NRXN3: variants seen among roughly 807,000 people sequenced by gnomAD.
NRXN3 encodes neurexin 3.
In NRXN3, 32 loss-of-function variants were observed where a neutral mutation model predicts 137.6. That is an observed-to-expected ratio of 0.23 (90% confidence interval 0.18 to 0.31). The LOEUF (loss-of-function observed/expected upper bound fraction) is 0.31, where lower values mean the gene tolerates loss of function less well. Ranked by LOEUF, NRXN3 falls within the 10% of genes least tolerant of loss-of-function variation. NRXN3 has a pLI of 1.00. For synonymous variants in NRXN3, 798 were observed against 784.5 expected, an observed-to-expected ratio of 1.02 and a Z score of -0.29; for missense variants, 1,574 against 2,062.5, an observed-to-expected ratio of 0.76 and a Z score of 4.59.
intron 15 of NRXN3, among the ~76,000 whole-genome samples, chr14:79,308,220 T>A (rs946655618): frequency 1.3e-5 from 2 of 152,162 alleles, no homozygotes; most frequent in African/African-American, 4.8e-5. Flanking sequence ...TGAAGTAATT[T>A]GGCTCATAAT....
intron 16 of NRXN3, among the ~76,000 whole-genome samples, chr14:79,504,936 T>C (rs549951306): frequency 1.3e-5 from 2 of 152,018 alleles, no homozygotes; most frequent in Non-Finnish European, 2.9e-5. Flanking sequence ...TGAAAATGGC[T>C]GCGCTCAGTG....
chr14:78,380,664 C>G (rs758011777), intron 4 of NRXN3, among the ~76,000 whole-genome samples: 1 of 152,162 alleles, frequency 6.6e-6, no homozygotes. Context: ...ATTTCAGACT[C>G]CTGGTCTTTA....
chr14:78,568,318 CAGA>C (rs1396174396), intron 4 of NRXN3, among the ~76,000 whole-genome samples: 5 of 152,168 alleles, frequency 3.3e-5, no homozygotes, highest in African/African-American at 1.2e-4. Context: ...CATGGAAAGA[CAGA>C]AGAAGAACTA....
At chr14:79,665,903 T>C (rs1197449080) in intron 17 of NRXN3, among the ~76,000 whole-genome samples, 2 of 152,134 alleles carry the variant, frequency 1.3e-5, no homozygotes, top group East Asian at 1.9e-4. Context: ...TTATTATCAT[T>C]GGAAACTGTT....
At chr14:78,704,768 TG>T (rs1181424196) in intron 6 of NRXN3, among the ~76,000 whole-genome samples, 1 of 152,104 alleles carries the variant, frequency 6.6e-6, no homozygotes, top group Non-Finnish European at 1.5e-5. Context: ...GTCTGTAAAA[TG>T]GGGCTAATGC....
At chr14:78,636,072 T>C (rs1008291920) in intron 4 of NRXN3, among the ~76,000 whole-genome samples, 1 of 152,184 alleles carries the variant, frequency 6.6e-6, no homozygotes, top group Non-Finnish European at 1.5e-5. Context: ...TATTTCAATA[T>C]TTGTTGAGCG....
Position 78,276,088 on chromosome 14 carries a change from G to A in NRXN3, c.710-2557G>A, listed in dbSNP as rs116759926. Among the ~76,000 whole-genome samples the A allele has an allele frequency of 3.6e-3, 542 of 152,274 alleles. 1 individual carries two copies. The highest frequency in any genetic ancestry group is 0.012 in the African/African-American group (501 of 41,554). On this transcript the variant is annotated intron_variant, in intron 2 of 20. Transcript: ENST00000335750. ...CAGGTCAGTGCCACAGTTAGGAACT[G>A]AGCTTGGACCTTGATCCCCAGCCAG...
intron 15 of NRXN3, among the ~76,000 whole-genome samples, chr14:79,292,121 T>C (rs1338047225): frequency 1.3e-5 from 2 of 152,190 alleles, no homozygotes; most frequent in Non-Finnish European, 2.9e-5. Flanking sequence ...AGGTAATCTG[T>C]GCAAATGTAG....
intron 15 of NRXN3, among the ~76,000 whole-genome samples, chr14:79,087,951 T>TC (rs2080839347): frequency 6.6e-6 from 1 of 150,760 alleles, no homozygotes; most frequent in African/African-American, 2.5e-5. Context: ...ACTAGTTGTT[T>TC]CTGGTTAAAG....
At chr14:79,370,239 T>A (rs999589506) in intron 15 of NRXN3, among the ~76,000 whole-genome samples, 2 of 152,166 alleles carry the variant, frequency 1.3e-5, no homozygotes, top group Non-Finnish European at 2.9e-5. Flanking sequence ...AAGAATGAGA[T>A]AACTATTATA....
At chr14:79,544,520 A>G (rs886563447) in intron 16 of NRXN3, among the ~76,000 whole-genome samples, 1 of 152,156 alleles carries the variant, frequency 6.6e-6, no homozygotes, top group Non-Finnish European at 1.5e-5. Context: ...TTTCTGTTGG[A>G]TGAGATTGGA....
intron 10 of NRXN3, among the ~76,000 whole-genome samples, chr14:78,827,785 C>G (rs1041849991): frequency 6.6e-6 from 1 of 152,234 alleles, no homozygotes; most frequent in African/African-American, 2.4e-5. Context: ...TCACTCAAAA[C>G]AGTGTCCGAG....
chr14:78,933,454 T>C (rs1367083754), intron 10 of NRXN3, among the ~76,000 whole-genome samples: 1 of 152,252 alleles, frequency 6.6e-6, no homozygotes, highest in African/African-American at 2.4e-5. Flanking sequence ...ATTTGACAGA[T>C]ATTTTTCTGG....
chr14:78,363,899 T>A (rs1699043939), intron 4 of NRXN3, among the ~76,000 whole-genome samples: 1 of 152,256 alleles, frequency 6.6e-6, no homozygotes, highest in African/African-American at 2.4e-5. Context: ...CTCAAATTCT[T>A]GTGAAGATTT....
chr14:79,244,145 G>C (rs2074796416), intron 15 of NRXN3, among the ~76,000 whole-genome samples: 1 of 152,086 alleles, frequency 6.6e-6, no homozygotes, highest in Admixed American at 6.6e-5. Flanking sequence ...TGACTGGTCA[G>C]TCCCAAGATC....
At chr14:79,092,680 T>C (rs1477377455) in intron 15 of NRXN3, among the ~76,000 whole-genome samples, 2 of 152,200 alleles carry the variant, frequency 1.3e-5, no homozygotes, top group African/African-American at 4.8e-5. Flanking sequence ...TTGTAGTGAA[T>C]AAGTGACTGA....
chr14:79,012,329 T>C (rs1032899190), intron 15 of NRXN3, among the ~76,000 whole-genome samples: 4 of 151,978 alleles, frequency 2.6e-5, no homozygotes, highest in African/African-American at 9.7e-5. Flanking sequence ...GAACAGCTAA[T>C]AAGACAAAGG....
In NRXN3 at chr14:78,810,335, T is replaced by G. The variant is rs753649708; in HGVS notation, c.2266T>G (p.Cys756Gly). Residue 756 changes from cysteine (C) to glycine (G), a missense_variant, in exon 10 of 21, where the codon TGT becomes GGT. Coordinates refer to ENST00000335750, the MANE Select transcript of NRXN3 (RefSeq NM_001330195.2). Reference protein sequence around the residue: ...MVNLDCIRINCNSSKGPETLY... With the variant: ...MVNLDCIRINGNSSKGPETLY... ...CCATCTAGACTGTATCAGGATAAAC[T>G]GTAACTCCAGTAAGTTTTCCCTCAA... 1 of 1,487,378 alleles carries G rather than the reference T, an allele frequency of 6.7e-7. No individual in the cohort carries two copies. The highest frequency in any genetic ancestry group is 2.5e-5 in the East Asian group (1 of 39,620). 92.1% of individuals were successfully genotyped at this position (1,487,378 alleles called of 1,614,324 possible). A position where few individuals can be genotyped will look rare whatever the true frequency, so the allele number is the denominator to read the frequency against.
At chr14:79,358,498 T>C (rs1419816069) in intron 15 of NRXN3, among the ~76,000 whole-genome samples, 11 of 144,316 alleles carry the variant, frequency 7.6e-5, no homozygotes, top group African/African-American at 2.9e-4. Flanking sequence ...GGTGTGAACC[T>C]GGGAGGCGGA....
Sources: allele counts gnomAD v4.1 joint callset (sites outside exome capture counted in the v4.1 genomes callset), GRCh38; gene constraint gnomAD v4.1.1; transcripts MANE v1.5; gene names NCBI Gene and HGNC (gene_info 2026-07-23, HGNC 2026-07-21).